Variants in TTC7B observed in about 807,000 individuals in gnomAD.
The protein encoded by TTC7B is tetratricopeptide repeat domain 7B.
TTC7B carries 28 observed loss-of-function variants against 106.8 expected under a neutral mutation model. The ratio of observed to expected loss-of-function variants is 0.26; its 90% CI spans 0.19 to 0.36. TTC7B has a LOEUF of 0.36. TTC7B is among the 10% of genes least tolerant of loss of function. The pLI is 1.00. For missense variants in TTC7B, 862 were observed against 1,076.4 expected (o/e 0.80, Z 2.79); for synonymous variants, 405 against 430.6 (o/e 0.94, Z 0.74).
rs114587675 is a variant in TTC7B, at chr14:90,790,988, G to C, written c.122-4660C>G. ...GGAATAGGATGTGGATAGAAAGCTGGAGAATCAAGCTGGGATCAGAATGCC... is the reference window on the plus strand; with the variant it reads ...GGAATAGGATGTGGATAGAAAGCTGCAGAATCAAGCTGGGATCAGAATGCC... On this transcript the variant is annotated intron_variant, in intron 1 of 19. Transcript: ENST00000328459. 5.8e-3 allele frequency among the ~76,000 whole-genome samples: 884 copies of C among 152,170 alleles called. 5 individuals carry two copies. The highest frequency in any genetic ancestry group is 0.02 in the African/African-American group (820 of 41,514).
At position 90,802,069 on chromosome 14, in the gene TTC7B, G is replaced by GA. The variant is rs553963013; in HGVS notation, c.121+14105dup. On this transcript the variant is annotated intron_variant, in intron 1 of 19. Transcript: ENST00000328459. The surrounding 1 kb of genome is among the most constrained non-coding windows in gnomAD (Gnocchi z 4.7). The stretch of plus-strand genomic sequence containing the variant: ...AGAGCGAAAACTCCATCTCAGGAAG[G>GA]AAAAAAAAAAAAAAGAAAGAAAGAA... Among the ~76,000 whole-genome samples the GA allele has an allele frequency of 0.024, 3,125 of 130,430 alleles. 44 individuals are homozygous for GA. The highest frequency in any genetic ancestry group is 0.031 in the Middle Eastern group (8 of 258). The allele number at this position is 130,430 out of a possible 152,430, so 85.6% of individuals were successfully genotyped here.
intron 18 of TTC7B, among the ~76,000 whole-genome samples, chr14:90,588,012 A>G (rs1192060844): frequency 6.6e-6 from 1 of 152,230 alleles, no homozygotes; most frequent in African/African-American, 2.4e-5. Flanking sequence ...AGCATCTGAC[A>G]CATCTACAGT....
intron 17 of TTC7B, among the ~76,000 whole-genome samples, chr14:90,604,097 A>G (rs1048485081): frequency 1.8e-4 from 27 of 152,244 alleles, no homozygotes; most frequent in Admixed American, 1.3e-3. Flanking sequence ...AAAGGCTTAC[A>G]GGATCACAGG....
chr14:90,778,758 C>T (rs1280647573), intron 3 of TTC7B, among the ~76,000 whole-genome samples: 1 of 152,206 alleles, frequency 6.6e-6, no homozygotes. Flanking sequence ...AAGGGGCGTG[C>T]CCATTAAACT....
chr14:90,769,964 C>T (rs1890808828), intron 3 of TTC7B, among the ~76,000 whole-genome samples: 1 of 151,908 alleles, frequency 6.6e-6, no homozygotes, highest in Non-Finnish European at 1.5e-5. Context: ...TCCTGGGCAA[C>T]ATAGTGAGAC....
At chr14:90,581,389 C>A (rs1258764134) in intron 18 of TTC7B, among the ~76,000 whole-genome samples, 1 of 152,204 alleles carries the variant, frequency 6.6e-6, no homozygotes, top group Admixed American at 6.5e-5. Flanking sequence ...CCTCTCCCTT[C>A]TGGGAGACAA....
At chr14:90,592,022 G>A (rs942880316) in intron 18 of TTC7B, among the ~76,000 whole-genome samples, 2 of 152,310 alleles carry the variant, frequency 1.3e-5, no homozygotes, top group East Asian at 1.9e-4. Context: ...GTTAATTTAC[G>A]GTAGTCATTA....
intron 19 of TTC7B, among the ~76,000 whole-genome samples, chr14:90,576,116 T>C (rs1300400835): frequency 1.3e-5 from 2 of 152,120 alleles, no homozygotes; most frequent in Non-Finnish European, 2.9e-5. Flanking sequence ...CGGTGCGATT[T>C]TCCTATTTGA....
intron 19 of TTC7B, among the ~76,000 whole-genome samples, chr14:90,563,455 A>G (rs1890669337): frequency 6.6e-6 from 1 of 152,232 alleles, no homozygotes; most frequent in Non-Finnish European, 1.5e-5. Context: ...TTGCTAAAAA[A>G]TGTTAACAAT....
chr14:90,713,214 C>T (rs2139969581), intron 5 of TTC7B, among the ~76,000 whole-genome samples: 1 of 152,248 alleles, frequency 6.6e-6, no homozygotes, highest in East Asian at 1.9e-4. Flanking sequence ...CTCCCAGGTT[C>T]AAGCAATTCT....
At chr14:90,621,032 A>G (rs1884138713) in intron 15 of TTC7B, among the ~76,000 whole-genome samples, 1 of 152,234 alleles carries the variant, frequency 6.6e-6, no homozygotes, top group African/African-American at 2.4e-5. Flanking sequence ...GGGACACAGC[A>G]GGGACAAAGA....
intron 3 of TTC7B, among the ~76,000 whole-genome samples, chr14:90,763,420 A>G (rs540815409): frequency 6.6e-6 from 1 of 152,228 alleles, no homozygotes; most frequent in Non-Finnish European, 1.5e-5. Context: ...CTAACATCTT[A>G]GTGGTGAAAA....
chr14:90,541,912 A>G (rs1308611052), intron 19 of TTC7B, among the ~76,000 whole-genome samples: 1 of 152,254 alleles, frequency 6.6e-6, no homozygotes, highest in Non-Finnish European at 1.5e-5. Flanking sequence ...GCGCGGCGTC[A>G]GCATGGGATG....
intron 13 of TTC7B, 147 bp from the exon 14 acceptor site, chr14:90,647,170 T>C: frequency 1.5e-6 from 1 of 674,750 alleles, no homozygotes; most frequent in Admixed American, 2.4e-5. Flanking sequence ...CTCTTCTTCT[T>C]TGTCCACCTA....
At chr14:90,546,072 C>T (rs1889819174) in intron 19 of TTC7B, among the ~76,000 whole-genome samples, 1 of 152,200 alleles carries the variant, frequency 6.6e-6, no homozygotes. Context: ...GAAAAATAGG[C>T]CTCTCCCCAG....
chr14:90,655,234 C>A, intron 11 of TTC7B, 124 bp from the exon 12 acceptor site: 1 of 710,320 alleles, frequency 1.4e-6, no homozygotes, highest in East Asian at 2.6e-5. Context: ...CTCAAATCTC[C>A]CAATCCCACT....
intron 17 of TTC7B, chr14:90,605,652 C>T: frequency 7.8e-7 from 1 of 1,288,588 alleles, no homozygotes; most frequent in Non-Finnish European, 1.0e-6. Flanking sequence ...CTGCAGGGGG[C>T]CACACAAAGG....
rs953863308 is a variant in TTC7B, at chr14:90,541,688, G to A, written c.2311-99C>T. On this transcript the variant is annotated intron_variant, in intron 19 of 19. Coordinates refer to ENST00000328459, the MANE Select transcript of TTC7B (RefSeq NM_001010854.2). ...AGTTTCCAGTCAGTTCCTCGGAGCC[G>A]GGAATATATCGCCATTGGGCTGGGC... 5.2e-6 allele frequency: 5 copies of A among 969,412 alleles called. No individual in the cohort carries two copies. In the African/African-American group the frequency reaches 6.6e-5, roughly 13 times the overall value. The allele number at this position is 969,412 out of a possible 1,614,324, so 60.1% of individuals were successfully genotyped here.
In TTC7B at chr14:90,532,762, G is replaced by A. The variant is rs1168899207; in HGVS notation, c.*8606C>T. ...CAGGGGTCCTTGATACACCGTGGCT[G>A]AACACAGGCAGGAAGGCCTCACTGC... is the stretch of plus-strand genomic sequence containing the variant. On this transcript the variant is annotated 3_prime_UTR_variant, in exon 20 of 20. Coordinates refer to ENST00000328459, the MANE Select transcript of TTC7B (RefSeq NM_001010854.2). The A allele has an allele frequency of 2.0e-5, 3 of 152,278 alleles. No homozygotes were observed. The highest frequency in any genetic ancestry group is 7.2e-5 in the African/African-American group (3 of 41,442). The allele number at this position is 152,278 out of a possible 1,614,324, so 9.4% of individuals were successfully genotyped here.
Sources: gnomAD v4.1 joint callset for allele counts (sites outside exome capture counted in the v4.1 genomes callset) on GRCh38, gnomAD v4.1.1 for gene constraint, Gnocchi (gnomAD v3.1) non-coding constraint, MANE v1.5 for transcripts, NCBI Gene and HGNC (gene_info 2026-07-23, HGNC 2026-07-21) for gene names.